The following METTL22 variants were observed in gnomAD, a reference collection of about 807,000 sequenced individuals.
METTL22 encodes methyltransferase 22, Kin17 lysine.
In METTL22, 51 loss-of-function variants were observed where a neutral mutation model predicts 48.4. That is an observed-to-expected ratio of 1.05 (90% confidence interval 0.84 to 1.33). The LOEUF (loss-of-function observed/expected upper bound fraction) is 1.33, where lower values mean the gene tolerates loss of function less well. Ranked by LOEUF, METTL22 falls within the 40% of genes most tolerant of loss-of-function variation. The pLI, the probability that METTL22 is intolerant of heterozygous loss-of-function variation, is 0.00. For missense variants in METTL22, 678 were observed against 526.9 expected (o/e 1.29, Z -2.81); for synonymous variants, 255 against 214.1 (o/e 1.19, Z -1.67).
chr16:8,645,986 C>CCTT, intron 10 of METTL22, 122 bp from the exon 11 acceptor site: 1 of 1,204,610 alleles, frequency 8.3e-7, no homozygotes, highest in Non-Finnish European at 1.1e-6. Context: ...TGCCCCAGCT[C>CCTT]GCCTGCTCCG....
intron 6 of METTL22, among the ~76,000 whole-genome samples, chr16:8,640,199 C>CT (rs1340925512): frequency 2.0e-5 from 3 of 152,182 alleles, no homozygotes; most frequent in Non-Finnish European, 4.4e-5. Context: ...TTGTTGAGTG[C>CT]TCAGGGTACA....
In METTL22 at chr16:8,635,039, AGCACACCATG is replaced by A. The variant is rs758241560; in HGVS notation, c.518_527del (p.His173ProfsTer85). The A allele has an allele frequency of 6.2e-7, 1 of 1,613,532 alleles. No homozygotes were observed. Among genetic ancestry groups the A allele is most frequent in the African/African-American group, 1.3e-5 (1 of 75,026 alleles). On this transcript the variant is annotated frameshift_variant and splice_region_variant, in exon 4 of 11. Transcript: ENST00000381920. LOFTEE classifies it high-confidence loss of function. ...TTCTCTTGGTTTCTGTCCCATCCAG[AGCACACCATG>A]GCCACGCCCCTGGAGGATGTTGGCA... is the stretch of plus-strand genomic sequence containing the variant.
chr16:8,628,987 G>A lies in METTL22; in HGVS notation c.391G>A (p.Ala131Thr), dbSNP rs770562473. The change falls in exon 3 of 11, where the codon GCC (alanine) becomes ACC (threonine). Residue 131 changes from alanine to threonine, a missense_variant. By Grantham distance (58) the Ala-to-Thr change is moderately conservative. Transcript: ENST00000381920. ...DLDVVRRPRA[A>T]SDSNPAGPLR... is the part of the protein sequence containing the mutation. The stretch of plus-strand genomic sequence containing the variant: ...GGACGTGGTGAGAAGACCACGAGCC[G>A]CCTCTGATTCCAACCCAGCAGGGCC... 13 of 1,613,988 alleles carry A rather than the reference G, an allele frequency of 8.1e-6. No individual in the cohort carries two copies. The highest frequency in any genetic ancestry group is 1.6e-4 in the Middle Eastern group (1 of 6,084).
rs1191615084 is a variant in METTL22 at position 8,646,301 on chromosome 16, C to T, written c.*158C>T. 10 of 900,268 alleles carry T rather than the reference C, an allele frequency of 1.1e-5. No individual in the cohort carries two copies. The highest frequency in any genetic ancestry group is 1.6e-5 in the African/African-American group (1 of 60,842). 55.8% of individuals were successfully genotyped at this position (900,268 alleles called of 1,614,324 possible). On this transcript the variant is annotated 3_prime_UTR_variant, in exon 11 of 11. Transcript: ENST00000381920. ...CCAAGATGGTTTTCTGGGGTCTGTC[C>T]CTGCCTCCCAGTTGTAGCCAGAGAA...
intron 1 of METTL22, among the ~76,000 whole-genome samples, chr16:8,622,546 C>T (rs905482274): frequency 2.0e-5 from 3 of 152,202 alleles, no homozygotes; most frequent in African/African-American, 7.2e-5. Flanking sequence ...GAAGCCCATA[C>T]AGACCCTGCA....
chr16:8,640,946 G>GGATGGATGGATGGATGGATGGA (rs1332913099), intron 6 of METTL22, among the ~76,000 whole-genome samples, 185 bp from the exon 7 acceptor site: 2 of 35,218 alleles, frequency 5.7e-5, no homozygotes, highest in Non-Finnish European at 1.1e-4. Flanking sequence ...GGATGGATGG[G>GGATGGATGGATGGATGGATGGA]TGGGTGGATG....
At chr16:8,623,414 C>CA (rs989198085) in intron 1 of METTL22, among the ~76,000 whole-genome samples, 1 of 151,826 alleles carries the variant, frequency 6.6e-6, no homozygotes, top group East Asian at 1.9e-4. Context: ...CCACCCCCTT[C>CA]AAAAAAAACT....
At chr16:8,657,826 T>TTTTG in the METTL22 span, among the ~76,000 whole-genome samples, 6 of 147,200 alleles carry the variant, frequency 4.1e-5, no homozygotes, top group African/African-American at 1.5e-4. Context: ...TTTTCTTTCT[T>TTTTG]TTTTTTTTGA....
intron 6 of METTL22, 160 bp downstream of exon 6, chr16:8,639,322 G>C: frequency 3.0e-6 from 2 of 668,674 alleles, no homozygotes; most frequent in Non-Finnish European, 5.3e-6. Context: ...CAGAGCTTCA[G>C]AGCATTGAGG....
the METTL22 span, among the ~76,000 whole-genome samples, chr16:8,663,248 TCA>T: frequency 1.3e-5 from 2 of 148,270 alleles, no homozygotes; most frequent in African/African-American, 5.0e-5. Context: ...ATCATCATCA[TCA>T]TCTCCCTATT....
At chr16:8,664,007 G>A in the METTL22 span, among the ~76,000 whole-genome samples, 1 of 151,922 alleles carries the variant, frequency 6.6e-6, no homozygotes, top group African/African-American at 2.4e-5. Context: ...CTCCAGCTGT[G>A]GCTAGATGGC....
downstream of METTL22, among the ~76,000 whole-genome samples, chr16:8,651,459 T>G (rs970666151): frequency 6.6e-6 from 1 of 151,118 alleles, no homozygotes; most frequent in Non-Finnish European, 1.5e-5. Flanking sequence ...TGGTGAAGTT[T>G]TCATTAAATT....
At chr16:8,654,084 G>C (rs551179370), downstream of METTL22, among the ~76,000 whole-genome samples, 20 of 152,280 alleles carry the variant, frequency 1.3e-4, no homozygotes, top group Non-Finnish European at 2.5e-4. Context: ...GATGGTGATA[G>C]CCAACTGTCC....
the METTL22 span, among the ~76,000 whole-genome samples, chr16:8,661,062 C>T: frequency 6.6e-6 from 1 of 152,180 alleles, no homozygotes; most frequent in Non-Finnish European, 1.5e-5. Flanking sequence ...CCCCCAGGTT[C>T]CGCGGCTTGA....
At chr16:8,644,337 G>A (rs1641064) in intron 9 of METTL22, 417,294 of 419,660 alleles carry the variant, frequency 0.99, 207,517 homozygotes, top group East Asian at 1. Context: ...TTCTGAGCCT[G>A]TTTCCACATC....
In METTL22 at chr16:8,639,130, T is replaced by C. The variant is rs373138071; in HGVS notation, c.740T>C (p.Ile247Thr). Residue 247 changes from isoleucine (I) to threonine (T), a missense_variant, in exon 6 of 11, where the codon ATT (isoleucine) becomes ACT (threonine). Transcript: ENST00000381920. ...CTCTTGTCCATGTGCCAGCGAAACATTGCCCTCAACAGCCACCTGGCTGCC... is the reference window on the plus strand; with the variant it reads ...CTCTTGTCCATGTGCCAGCGAAACACTGCCCTCAACAGCCACCTGGCTGCC... ...ADLLSMCQRN[I>T]ALNSHLAATG... is the part of the protein sequence containing the mutation. The C allele has an allele frequency of 6.2e-7, 1 of 1,613,804 alleles. No homozygotes were observed. Among genetic ancestry groups the C allele is most frequent in the Non-Finnish European group, 8.5e-7 (1 of 1,179,986 alleles).
chr16:8,630,735 TC>T (rs1376110672), intron 3 of METTL22, among the ~76,000 whole-genome samples: 2 of 152,200 alleles, frequency 1.3e-5, no homozygotes, highest in Non-Finnish European at 2.9e-5. Flanking sequence ...CCTGCCCTGT[TC>T]CGGTGACCTC....
At position 8,641,281 on chromosome 16, in the gene METTL22, C is replaced by G. The variant is rs570109274; in HGVS notation, c.826+97C>G. ...CTGTGGTTTTGACAGAGCTGTAGTC[C>G]CAGCTGCTGCCACAGTCCCATCGGC... On this transcript the variant is annotated intron_variant, in intron 7 of 10. Transcript: ENST00000381920. The G allele has an allele frequency of 2.4e-4, 287 of 1,183,968 alleles. 1 individual carries two copies. In the African/African-American group the frequency reaches 3.8e-3, roughly 16 times the overall value. 73.3% of individuals were successfully genotyped at this position (1,183,968 alleles called of 1,614,324 possible).
chr16:8,626,307 T>G lies in METTL22; in HGVS notation c.133+509T>G, dbSNP rs372468499. The stretch of plus-strand genomic sequence containing the variant: ...CCCACTTTCATTAAGCAAACTCCTG[T>G]GGTTTCCTGAGCACCTATTGTGCGC... On this transcript the variant is annotated intron_variant, in intron 2 of 10. Coordinates refer to ENST00000381920, the MANE Select transcript of METTL22 (RefSeq NM_024109.4). 1.6e-4 allele frequency among the ~76,000 whole-genome samples: 24 copies of G among 152,290 alleles called. No individual in the cohort carries two copies. The East Asian group carries it at 4.4e-3, about 28-fold the overall frequency.
Sources: gnomAD v4.1 joint callset for allele counts (sites outside exome capture counted in the v4.1 genomes callset) on GRCh38, gnomAD v4.1.1 for gene constraint, MANE v1.5 for transcripts, NCBI Gene and HGNC (gene_info 2026-07-23, HGNC 2026-07-21) for gene names.